GALNT9: variants seen among roughly 807,000 people sequenced by gnomAD.
The protein encoded by GALNT9 is polypeptide N-acetylgalactosaminyltransferase 9.
In GALNT9, 47 loss-of-function variants were observed where a neutral mutation model predicts 63.1. That is an observed-to-expected ratio of 0.75 (90% confidence interval 0.59 to 0.95). The LOEUF is 0.95. GALNT9 is among the 40% of genes least tolerant of loss of function. GALNT9 has a pLI of 0.00. For synonymous variants in GALNT9, 396 were observed against 365.7 expected (o/e 1.08, Z -0.94); for missense variants, 829 against 874.8 (o/e 0.95, Z 0.66).
Position 132,302,975 on chromosome 12 carries a change from C to T in GALNT9, c.239-16545G>A, listed in dbSNP as rs1186295257. Reference sequence around the variant, plus strand: ...CACTCCGGTGACCGTCTAAGGGGGGCGAGGGTGGAACCCAGGGGCCTGTGC... The same window carrying T: ...CACTCCGGTGACCGTCTAAGGGGGGTGAGGGTGGAACCCAGGGGCCTGTGC... On this transcript the variant is annotated intron_variant, in intron 1 of 10. Coordinates refer to ENST00000328957, the MANE Select transcript of GALNT9 (RefSeq NM_001122636.2). Among the ~76,000 whole-genome samples the T allele has an allele frequency of 4.6e-5, 7 of 151,972 alleles. No homozygotes were observed. The East Asian group carries it at 5.8e-4, about 13-fold the overall frequency.
chr12:132,218,822 C>T lies in GALNT9; in HGVS notation c.1078-15132G>A, dbSNP rs532469709. On this transcript the variant is annotated intron_variant, in intron 6 of 10. Transcript: ENST00000328957. Reference sequence around the variant, plus strand: ...ACAGCATTCCCACCCCAGGGCCAGCCGTTGTCCAGACCCTCCCACTCACCT... The same window carrying T: ...ACAGCATTCCCACCCCAGGGCCAGCTGTTGTCCAGACCCTCCCACTCACCT... Among the ~76,000 whole-genome samples the T allele has an allele frequency of 1.9e-4, 29 of 152,356 alleles. No individual in the cohort carries two copies. In the South Asian group the frequency reaches 5.2e-3, roughly 27 times the overall value.
At chr12:132,287,037 G>A (rs1326051957) in intron 1 of GALNT9, among the ~76,000 whole-genome samples, 1 of 140,700 alleles carries the variant, frequency 7.1e-6, no homozygotes, top group Non-Finnish European at 1.5e-5. Flanking sequence ...CAAACGCACA[G>A]CAGGTGTGAC....
intron 1 of GALNT9, among the ~76,000 whole-genome samples, chr12:132,293,081 T>C (rs576108285): frequency 2.6e-5 from 4 of 152,164 alleles, no homozygotes; most frequent in Non-Finnish European, 4.4e-5. Flanking sequence ...TCAGGGGGCA[T>C]TGAGCCTCAC....
chr12:132,240,697 T>C (rs2136899230), intron 6 of GALNT9: 2 of 455,986 alleles, frequency 4.4e-6, no homozygotes, highest in South Asian at 3.1e-5. Context: ...CTGTTTATAA[T>C]TTACCTTATC....
At chr12:132,307,470 TAG>T (rs1323048990) in intron 1 of GALNT9, among the ~76,000 whole-genome samples, 1 of 151,986 alleles carries the variant, frequency 6.6e-6, no homozygotes, top group African/African-American at 2.4e-5. Flanking sequence ...GAGATTAAGT[TAG>T]AGACCCTGAG....
intron 6 of GALNT9, among the ~76,000 whole-genome samples, chr12:132,218,159 CA>C (rs1877296352): frequency 6.6e-6 from 1 of 152,222 alleles, no homozygotes; most frequent in Non-Finnish European, 1.5e-5. Context: ...TCCATCCACC[CA>C]TCTGCATTAG....
In GALNT9 at chr12:132,238,787, C is replaced by T. The variant is rs1269968070; in HGVS notation, c.1077+9123G>A. Among the ~76,000 whole-genome samples the T allele has an allele frequency of 6.6e-6, 1 of 152,202 alleles. No individual in the cohort carries two copies. Among genetic ancestry groups the T allele is most frequent in the African/African-American group, 2.4e-5 (1 of 41,454 alleles). ...CATCTGCAGGCCACCCGCCCAGGGA[C>T]GTGCTACCATTTACCTAACACACGT... On this transcript the variant is annotated intron_variant, in intron 6 of 10. Coordinates refer to ENST00000328957, the MANE Select transcript of GALNT9 (RefSeq NM_001122636.2). This position sits in a 1 kb window ranked among gnomAD's most constrained non-coding sequence, Gnocchi z 6.5.
intron 8 of GALNT9, among the ~76,000 whole-genome samples, chr12:132,200,225 C>T (rs1260065782): frequency 1.3e-5 from 2 of 152,210 alleles, no homozygotes; most frequent in Non-Finnish European, 2.9e-5. Context: ...TTCCTTGCCC[C>T]ATCCGAGTGC....
intron 1 of GALNT9, among the ~76,000 whole-genome samples, chr12:132,292,014 C>T (rs782226789): frequency 1.3e-4 from 20 of 152,318 alleles, no homozygotes; most frequent in Middle Eastern, 3.4e-3. Context: ...CTTCCTGCCC[C>T]GGGGCCTTGG....
Position 132,238,721 on chromosome 12 carries a change from G to C in GALNT9, c.1077+9189C>G, listed in dbSNP as rs1555236565. Among the ~76,000 whole-genome samples the C allele has an allele frequency of 6.6e-6, 1 of 152,142 alleles. No homozygotes were observed. The highest frequency in any genetic ancestry group is 2.4e-5 in the African/African-American group (1 of 41,418). On this transcript the variant is annotated intron_variant, in intron 6 of 10. Transcript: ENST00000328957. This position sits in a 1 kb window ranked among gnomAD's most constrained non-coding sequence, Gnocchi z 6.5. ...GCCTCAGCTCCTCCCCAGGGCTGTGGGAGGGGCCAGGAGAATGACAGCCTG... is the reference window on the plus strand; with the variant it reads ...GCCTCAGCTCCTCCCCAGGGCTGTGCGAGGGGCCAGGAGAATGACAGCCTG...
At chr12:132,321,776 C>T in intron 1 of GALNT9, among the ~76,000 whole-genome samples, 1 of 152,130 alleles carries the variant, frequency 6.6e-6, no homozygotes, top group South Asian at 2.1e-4. Context: ...CCACCCCACA[C>T]ACCTGTCCCC....
chr12:132,320,329 G>A (rs1359832378), intron 1 of GALNT9, among the ~76,000 whole-genome samples: 1 of 152,230 alleles, frequency 6.6e-6, no homozygotes, highest in Non-Finnish European at 1.5e-5. Context: ...GGACGCGGGT[G>A]CGGCAGACAC....
At chr12:132,281,836 C>T (rs948813992) in intron 2 of GALNT9, among the ~76,000 whole-genome samples, 4 of 151,710 alleles carry the variant, frequency 2.6e-5, no homozygotes, top group African/African-American at 7.3e-5. Flanking sequence ...TCCACTACAG[C>T]AAGCCCAGGC....
intron 10 of GALNT9, 96 bp from the exon 11 acceptor site, chr12:132,197,349 G>A: frequency 6.5e-7 from 1 of 1,529,456 alleles, no homozygotes; most frequent in South Asian, 1.3e-5. Flanking sequence ...CAGCCCTCGT[G>A]CTCATTCTTG....
rs1565994795 is a variant in GALNT9 at position 132,238,626 on chromosome 12, G to C, written c.1077+9284C>G. On this transcript the variant is annotated intron_variant, in intron 6 of 10. Coordinates refer to ENST00000328957, the MANE Select transcript of GALNT9 (RefSeq NM_001122636.2). The surrounding 1 kb of genome is among the most constrained non-coding windows in gnomAD (Gnocchi z 6.5). ...ACCTGGGCCAGTGGAAGGCGAAGGT[G>C]GGCAGGCCTGAGTGTGAGTCTCACA... is the stretch of plus-strand genomic sequence containing the variant. 6.6e-6 allele frequency among the ~76,000 whole-genome samples: 1 copy of C among 152,114 alleles called. No individual in the cohort carries two copies. The highest frequency in any genetic ancestry group is 1.5e-5 in the Non-Finnish European group (1 of 68,002).
intron 2 of GALNT9, chr12:132,284,165 GTA>G (rs1254397692): frequency 2.1e-5 from 3 of 145,406 alleles, no homozygotes; most frequent in African/African-American, 7.8e-5. Context: ...GCACACGCAC[GTA>G]TACACACACA....
chr12:132,271,781 G>A lies in GALNT9; in HGVS notation c.420-9156C>T, dbSNP rs141657398. On this transcript the variant is annotated intron_variant, in intron 2 of 10. Transcript: ENST00000328957. ...AGCGACGGCCAGGGCCCCAAGGCGAGCAGAGCCCCGCACAGAACGTGCAGG... is the reference window on the plus strand; with the variant it reads ...AGCGACGGCCAGGGCCCCAAGGCGAACAGAGCCCCGCACAGAACGTGCAGG... Among the ~76,000 whole-genome samples the A allele has an allele frequency of 1.8e-3, 271 of 152,298 alleles. 4 individuals are homozygous for A. Among genetic ancestry groups the A allele is most frequent in the African/African-American group, 6.1e-3 (253 of 41,566 alleles).
chr12:132,259,119 G>A (rs535217759), intron 4 of GALNT9, among the ~76,000 whole-genome samples: 8 of 152,264 alleles, frequency 5.3e-5, no homozygotes, highest in Non-Finnish European at 1.0e-4. Context: ...AAGTGCTTCA[G>A]AGATGAAAAG....
chr12:132,249,183 T>A (rs1878820087), intron 5 of GALNT9, among the ~76,000 whole-genome samples: 1 of 152,242 alleles, frequency 6.6e-6, no homozygotes, highest in Admixed American at 6.5e-5. Context: ...ACAATTTCCT[T>A]GTCCGTGGAG....
Sources: allele counts gnomAD v4.1 joint callset (sites outside exome capture counted in the v4.1 genomes callset), GRCh38; gene constraint gnomAD v4.1.1; non-coding constraint Gnocchi (gnomAD v3.1); transcripts MANE v1.5; gene names NCBI Gene and HGNC (gene_info 2026-07-23, HGNC 2026-07-21).